Variants in GRM5 observed in about 807,000 individuals in gnomAD.
GRM5 encodes the protein metabotropic glutamate receptor 5.
GRM5 carries 19 observed loss-of-function variants against 83.1 expected under a neutral mutation model. The ratio of observed to expected loss-of-function variants is 0.23; its 90% confidence interval spans 0.16 to 0.34. The LOEUF is 0.34. Among genes scored for constraint, GRM5 ranks in the 10% least tolerant of loss-of-function variants. GRM5 has a pLI of 1.00. For missense variants in GRM5, 1,160 were observed against 1,588.3 expected, an observed-to-expected ratio of 0.73 and a Z score of 4.58; for synonymous variants, 675 against 633.6, an observed-to-expected ratio of 1.07 and a Z score of -0.98.
chr11:88,859,292 CAAG>C (rs1477768646), intron 2 of GRM5, among the ~76,000 whole-genome samples: 2 of 151,972 alleles, frequency 1.3e-5, no homozygotes, highest in Non-Finnish European at 2.9e-5. Flanking sequence ...TCTGGAAACT[CAAG>C]AAGTTTTCTT....
chr11:88,761,501 T>C (rs970327076), intron 3 of GRM5, among the ~76,000 whole-genome samples: 7 of 152,006 alleles, frequency 4.6e-5, no homozygotes, highest in Admixed American at 2.0e-4. Flanking sequence ...ACCAGGAATG[T>C]GAAAGATCTC....
intron 8 of GRM5, among the ~76,000 whole-genome samples, chr11:88,541,469 C>T (rs1164780995): frequency 2.0e-5 from 3 of 152,124 alleles, no homozygotes; most frequent in Non-Finnish European, 2.9e-5. Flanking sequence ...TACACACATA[C>T]AATCACACAC....
chr11:88,666,384 G>T (rs1293826605), intron 3 of GRM5, among the ~76,000 whole-genome samples: 2 of 152,152 alleles, frequency 1.3e-5, no homozygotes, highest in Non-Finnish European at 2.9e-5. Context: ...GCAAAGAGGG[G>T]AAACTTGAGA....
chr11:88,974,822 A>G (rs1447964472), intron 2 of GRM5, among the ~76,000 whole-genome samples: 1 of 152,178 alleles, frequency 6.6e-6, no homozygotes, highest in East Asian at 1.9e-4. Flanking sequence ...TGAGGTAAGT[A>G]AGTAGGAACA....
chr11:88,817,777 A>G (rs1469765919), intron 3 of GRM5, among the ~76,000 whole-genome samples: 1 of 152,148 alleles, frequency 6.6e-6, no homozygotes, highest in East Asian at 1.9e-4. Flanking sequence ...TGTGAGATTA[A>G]TTTATAATAA....
chr11:88,604,674 G>C lies in GRM5; in HGVS notation c.1394+44C>G, dbSNP rs375988395. ...GACATTTCAGGATCAAGAGTTGGCTGTTATTCAGTCTCTACTCTGCAGAGG... is the reference window on the plus strand; with the variant it reads ...GACATTTCAGGATCAAGAGTTGGCTCTTATTCAGTCTCTACTCTGCAGAGG... On this transcript the variant is annotated intron_variant, in intron 5 of 9. Coordinates refer to ENST00000305447, the MANE Select transcript of GRM5 (RefSeq NM_001143831.3). 9 of 1,514,230 alleles carry C rather than the reference G, an allele frequency of 5.9e-6. No homozygotes were observed. In the African/African-American group the frequency reaches 9.7e-5, roughly 16 times the overall value. 93.8% of individuals were successfully genotyped at this position (1,514,230 alleles called of 1,614,324 possible).
At chr11:88,624,337 A>C (rs936228312) in intron 4 of GRM5, among the ~76,000 whole-genome samples, 1 of 152,196 alleles carries the variant, frequency 6.6e-6, no homozygotes, top group Non-Finnish European at 1.5e-5. Flanking sequence ...TTCTGTGTAG[A>C]GAAAGAATCA....
In GRM5 at chr11:88,641,113, C is replaced by A. The variant is rs144256750; in HGVS notation, c.1147+12055G>T. Among the ~76,000 whole-genome samples the A allele has an allele frequency of 1.0e-3, 158 of 152,108 alleles. 1 individual carries two copies. Among genetic ancestry groups the A allele is most frequent in the African/African-American group, 3.6e-3 (149 of 41,508 alleles). On this transcript the variant is annotated intron_variant, in intron 4 of 9. Coordinates refer to ENST00000305447, the MANE Select transcript of GRM5 (RefSeq NM_001143831.3). ...GTGCTTCTGGGGAGGCCTCAGGAAG[C>A]TTTTACTCATGGTGGAAGGTGAAGC...
intron 3 of GRM5, among the ~76,000 whole-genome samples, chr11:88,790,115 C>T (rs569838521): frequency 4.6e-5 from 7 of 152,296 alleles, no homozygotes; most frequent in African/African-American, 7.2e-5. Context: ...CCACCCTCCT[C>T]AGCCTCCCAA....
intron 3 of GRM5, among the ~76,000 whole-genome samples, chr11:88,761,058 AT>A (rs1478663563): frequency 6.6e-6 from 1 of 152,204 alleles, no homozygotes; most frequent in East Asian, 1.9e-4. Context: ...ACATAAAACA[AT>A]AAGAGTCATC....
intron 8 of GRM5, among the ~76,000 whole-genome samples, chr11:88,533,104 T>C (rs1942053057): frequency 6.6e-6 from 1 of 152,212 alleles, no homozygotes; most frequent in Non-Finnish European, 1.5e-5. Context: ...TTTCATATCA[T>C]TCATCTGCTC....
At chr11:88,792,069 A>G (rs1476728336) in intron 3 of GRM5, among the ~76,000 whole-genome samples, 1 of 152,124 alleles carries the variant, frequency 6.6e-6, no homozygotes, top group African/African-American at 2.4e-5. Flanking sequence ...ATGGAATCCC[A>G]GGAATAAGAC....
At chr11:89,051,046 A>G (rs1464474714) in intron 1 of GRM5, among the ~76,000 whole-genome samples, 1 of 152,138 alleles carries the variant, frequency 6.6e-6, no homozygotes, top group African/African-American at 2.4e-5. Flanking sequence ...ACAAATCCCC[A>G]TGACACCAGT....
intron 2 of GRM5, among the ~76,000 whole-genome samples, chr11:88,901,920 G>T (rs1240982710): frequency 3.9e-5 from 6 of 152,110 alleles, no homozygotes; most frequent in Non-Finnish European, 5.9e-5. Flanking sequence ...GCCAAAATAA[G>T]TTCCATAGTT....
At chr11:89,002,847 T>A (rs1940422825) in intron 2 of GRM5, among the ~76,000 whole-genome samples, 1 of 152,084 alleles carries the variant, frequency 6.6e-6, no homozygotes, top group Admixed American at 6.6e-5. Context: ...AGCACCTTCA[T>A]CTCTTTCAGA....
intron 8 of GRM5, among the ~76,000 whole-genome samples, chr11:88,564,102 T>TTGAA (rs1397890354): frequency 6.6e-6 from 1 of 152,200 alleles, no homozygotes; most frequent in African/African-American, 2.4e-5. Flanking sequence ...AGGTTCTAGC[T>TTGAA]TGAATATGCC....
intron 8 of GRM5, among the ~76,000 whole-genome samples, chr11:88,541,697 C>T (rs544780986): frequency 2.6e-5 from 4 of 152,004 alleles, no homozygotes; most frequent in African/African-American, 4.8e-5. Flanking sequence ...ATTTTCTTTT[C>T]GCATAATGGA....
intron 2 of GRM5, among the ~76,000 whole-genome samples, chr11:88,985,630 T>C (rs1200074342): frequency 2.0e-5 from 3 of 152,130 alleles, no homozygotes; most frequent in Non-Finnish European, 2.9e-5. Flanking sequence ...TAAGTTTAAA[T>C]TCAGCAGTTT....
chr11:88,645,311 A>G (rs7946586), intron 4 of GRM5, among the ~76,000 whole-genome samples: 3,332 of 152,236 alleles, frequency 0.022, 93 homozygotes, highest in East Asian at 0.12. Context: ...AGAAAATTAA[A>G]GTCAAAGTAA....
Sources: allele counts gnomAD v4.1 joint callset (sites outside exome capture counted in the v4.1 genomes callset), GRCh38; gene constraint gnomAD v4.1.1; transcripts MANE v1.5; gene names NCBI Gene and HGNC (gene_info 2026-07-23, HGNC 2026-07-21).